HAS2: variants seen among roughly 807,000 people sequenced by gnomAD.
HAS2 encodes the protein HA synthase 2.
A neutral mutation model predicts 51.6 loss-of-function variants in HAS2; 16 were observed. The observed-to-expected ratio is 0.31, with a 90% CI of 0.21 to 0.47. The LOEUF (loss-of-function observed/expected upper bound fraction) is 0.47, where lower values mean the gene tolerates loss of function less well. Among genes scored for constraint, HAS2 ranks in the 20% least tolerant of loss-of-function variants. The probability of loss-of-function intolerance (pLI) is 1.00; values close to 1 mark genes in which losing one functional copy is unlikely to be tolerated. For missense variants in HAS2, 361 were observed against 662.6 expected (o/e 0.54, Z 5.00); for synonymous variants, 228 against 235.5 (o/e 0.97, Z 0.29).
At chr8:121,625,431 T>C (rs1812833602) in intron 2 of HAS2, among the ~76,000 whole-genome samples, 1 of 152,066 alleles carries the variant, frequency 6.6e-6, no homozygotes, top group Admixed American at 6.6e-5. Flanking sequence ...ATCTATCCAT[T>C]TTTAAAACAA....
intron 1 of HAS2, chr8:121,639,756 AG>A (rs780145150): frequency 1.3e-5 from 2 of 152,276 alleles, no homozygotes; most frequent in African/African-American, 2.4e-5. Context: ...TCCTGTTCAC[AG>A]GGACCCATTT....
rs1259821096 is a variant in HAS2, at chr8:121,614,970, T to C, written c.798A>G (p.Ile266Met). The C allele has an allele frequency of 6.2e-7, 1 of 1,613,518 alleles. No homozygotes were observed. Among genetic ancestry groups the C allele is most frequent in the Admixed American group, 1.7e-5 (1 of 60,020 alleles). The change falls in exon 4 of 4, where the codon ATA (isoleucine) becomes ATG (methionine). Residue 266 changes from isoleucine to methionine, a missense_variant. Ile to Met is a conservative substitution (Grantham distance 10). This residue lies in a region of HAS2 where 49 missense variants were observed against 108.3 expected (regional missense o/e 0.45). Coordinates refer to ENST00000303924, the MANE Select transcript of HAS2 (RefSeq NM_005328.3). The surrounding 1 kb of genome is among the most constrained non-coding windows in gnomAD (Gnocchi z 7.2). ...CAAAATAAGACTGACAGGCCCTTTC[T>C]ATATTAAAAGCCATCCAATATCTTA... ...SSVRYWMAFN[I>M]ERACQSYFGC... is the part of the protein sequence containing the mutation.
In HAS2 at chr8:121,613,187, T is replaced by C. The variant is rs539230909; in HGVS notation, c.*922A>G. ...GCCTACTGTTTTCTTTCAAAGACTATCATTCCCTTTTTTTTAAATCTTAAT... is the reference window on the plus strand; with the variant it reads ...GCCTACTGTTTTCTTTCAAAGACTACCATTCCCTTTTTTTTAAATCTTAAT... On this transcript the variant is annotated 3_prime_UTR_variant, in exon 4 of 4. Transcript: ENST00000303924. 6.6e-6 allele frequency: 1 copy of C among 152,280 alleles called. No individual in the cohort carries two copies. The highest frequency in any genetic ancestry group is 2.1e-4 in the South Asian group (1 of 4,816). 9.4% of individuals were successfully genotyped at this position (152,280 alleles called of 1,614,324 possible).
At position 121,614,982 on chromosome 8, in the gene HAS2, C is replaced by T; in HGVS notation, c.786G>A (p.Met262Ile). 5 of 1,613,410 alleles carry T rather than the reference C, an allele frequency of 3.1e-6. No homozygotes were observed. The highest frequency in any genetic ancestry group is 4.2e-6 in the Non-Finnish European group (5 of 1,179,436). The change falls in exon 4 of 4, where the codon ATG becomes ATA. Residue 262 changes from methionine (M) to isoleucine (I), a missense_variant. Transcript: ENST00000303924. This position sits in a 1 kb window ranked among gnomAD's most constrained non-coding sequence, Gnocchi z 7.2. ...GACAGGCCCTTTCTATATTAAAAGC[C>T]ATCCAATATCTTACACTGCTGAGGA... ...ISFLSSVRYW[M>I]AFNIERACQS... is the part of the protein sequence containing the mutation.
chr8:121,620,672 C>A (rs573221838), intron 2 of HAS2, among the ~76,000 whole-genome samples: 2 of 152,092 alleles, frequency 1.3e-5, no homozygotes, highest in African/African-American at 4.8e-5. Flanking sequence ...ACAGAATCAT[C>A]CACTAAATTG....
chr8:121,614,894 A>G lies in HAS2; in HGVS notation c.874T>C (p.Leu292=). The G allele has an allele frequency of 6.2e-7, 1 of 1,614,178 alleles. No homozygotes were observed. The highest frequency in any genetic ancestry group is 2.2e-5 in the East Asian group (1 of 44,876). ...GPLGMYRNSL[L]HEFVEDWYNQ... ...TACCAATCTTCCACAAACTCATGCA[A>G]CAAGGAGTTTCTGTACATTCCCAGA... Residue 292 remains leucine, a synonymous_variant, in exon 4 of 4, where the codon TTG becomes CTG. Coordinates refer to ENST00000303924, the MANE Select transcript of HAS2 (RefSeq NM_005328.3). The surrounding 1 kb of genome is among the most constrained non-coding windows in gnomAD (Gnocchi z 7.2).
chr8:121,622,301 G>GAAAC (rs1355902770), intron 2 of HAS2, among the ~76,000 whole-genome samples: 2 of 151,886 alleles, frequency 1.3e-5, no homozygotes, highest in South Asian at 2.1e-4. Context: ...ACACACTACT[G>GAAAC]AAACAAACAA....
At chr8:121,639,041 A>G (rs1813050504) in intron 1 of HAS2, among the ~76,000 whole-genome samples, 1 of 152,238 alleles carries the variant, frequency 6.6e-6, no homozygotes, top group Admixed American at 6.5e-5. Flanking sequence ...CGCCAGAAGT[A>G]CTTATCATAT....
intron 1 of HAS2, 133 bp from the exon 2 acceptor site, chr8:121,629,473 T>G: frequency 1.4e-6 from 1 of 718,828 alleles, no homozygotes. Flanking sequence ...CCCAACTCAT[T>G]GTGTGACTTT....
At chr8:121,627,796 A>T (rs1812874570) in intron 2 of HAS2, among the ~76,000 whole-genome samples, 1 of 152,200 alleles carries the variant, frequency 6.6e-6, no homozygotes, top group South Asian at 2.1e-4. Flanking sequence ...ATCTTCTAAA[A>T]ACTAGAATTT....
chr8:121,615,471 C>A (rs538090213), intron 3 of HAS2, among the ~76,000 whole-genome samples: 7 of 152,188 alleles, frequency 4.6e-5, no homozygotes, highest in Non-Finnish European at 8.8e-5. Flanking sequence ...ACTACAGGTG[C>A]GCGCCACCAG....
rs767543519 is a variant in HAS2 at position 121,629,255 on chromosome 8, G to C, written c.86C>G (p.Ala29Gly). Residue 29 changes from alanine (A) to glycine (G), a missense_variant, in exon 2 of 4, where the codon GCT becomes GGT. Physicochemically the swap from Ala to Gly is moderately conservative, Grantham distance 60. Coordinates refer to ENST00000303924, the MANE Select transcript of HAS2 (RefSeq NM_005328.3). The stretch of plus-strand genomic sequence containing the variant: ...GATAAACTGGTAGCCAACAATATAA[G>C]CAGCTGTGATTCCAAGGAGGAGAGA... ...GVSLLLGITA[A>G]YIVGYQFIQT... is the part of the protein sequence containing the mutation. The C allele has an allele frequency of 3.1e-6, 5 of 1,613,640 alleles. No homozygotes were observed.
intron 1 of HAS2, among the ~76,000 whole-genome samples, chr8:121,640,428 TG>T (rs1813077741): frequency 6.6e-6 from 1 of 151,180 alleles, no homozygotes; most frequent in Non-Finnish European, 1.5e-5. Context: ...ACAGTGTGTG[TG>T]TGTGTGTGTG....
At chr8:121,622,512 A>T (rs1244507313) in intron 2 of HAS2, among the ~76,000 whole-genome samples, 1 of 152,118 alleles carries the variant, frequency 6.6e-6, no homozygotes, top group Non-Finnish European at 1.5e-5. Flanking sequence ...AAGATAATGT[A>T]TGTAAAGCTG....
In HAS2 at chr8:121,618,245, T is replaced by C. The variant is rs894165599; in HGVS notation, c.628-1039A>G. 5.9e-5 allele frequency among the ~76,000 whole-genome samples: 9 copies of C among 152,162 alleles called. No individual in the cohort carries two copies. The South Asian group carries it at 1.5e-3, about 25-fold the overall frequency. On this transcript the variant is annotated intron_variant, in intron 2 of 3. Coordinates refer to ENST00000303924, the MANE Select transcript of HAS2 (RefSeq NM_005328.3). ...ATGCTTACAAAGCTGATATGGAGAA[T>C]AGGGCTTTATATGTGGAAAAGTGGG...
At chr8:121,632,236 C>T (rs1026780225) in intron 1 of HAS2, among the ~76,000 whole-genome samples, 5 of 152,086 alleles carry the variant, frequency 3.3e-5, no homozygotes, top group Admixed American at 6.6e-5. Context: ...ACACATAGGA[C>T]GTGTTTCTTT....
rs1554597329 is a variant in HAS2 at position 121,641,158 on chromosome 8, C to CTTTCTTTTTTTTTTTTTTTTTTTTTT, written c.-307_-306insAAAAAAAAAAAAAAAAAAAAAAGAAA. The stretch of plus-strand genomic sequence containing the variant: ...TAACTTTTCTTTTTTCTTTTCTTTT[C>CTTTCTTTTTTTTTTTTTTTTTTTTTT]TTTTTTTTTTTTTTTTTTTTTTGGG... On this transcript the variant is annotated 5_prime_UTR_variant, in exon 1 of 4. Transcript: ENST00000303924. 1.2e-4 allele frequency: 7 copies of CTTTCTTTTTTTTTTTTTTTTTTTTTT among 57,018 alleles called. No individual in the cohort carries two copies. Among genetic ancestry groups the CTTTCTTTTTTTTTTTTTTTTTTTTTT allele is most frequent in the African/African-American group, 1.3e-4 (2 of 14,890 alleles). The allele number at this position is 57,018 out of a possible 1,614,324, so 3.5% of individuals were successfully genotyped here. A position where few individuals can be genotyped will look rare whatever the true frequency, so the allele number is the denominator to read the frequency against.
intron 2 of HAS2, among the ~76,000 whole-genome samples, chr8:121,627,328 T>C (rs1246487664): frequency 6.6e-6 from 1 of 152,132 alleles, no homozygotes; most frequent in Non-Finnish European, 1.5e-5. Context: ...CAAAGATAAC[T>C]GAAACTACCT....
At chr8:121,617,414 GA>G (rs1253349196) in intron 2 of HAS2, among the ~76,000 whole-genome samples, 1 of 152,098 alleles carries the variant, frequency 6.6e-6, no homozygotes. Flanking sequence ...TTAAGTTAAT[GA>G]CATTGCTGGG....
Sources: allele counts gnomAD v4.1 joint callset (sites outside exome capture counted in the v4.1 genomes callset), GRCh38; gene constraint gnomAD v4.1.1; regional missense constraint gnomAD v4.1.1; non-coding constraint Gnocchi (gnomAD v3.1); transcripts MANE v1.5; gene names NCBI Gene and HGNC (gene_info 2026-07-23, HGNC 2026-07-21).